The following THEM4 variants were observed in gnomAD, a reference collection of about 807,000 sequenced individuals.
THEM4 encodes acyl-coenzyme A thioesterase THEM4.
In THEM4, 22 loss-of-function variants were observed where a neutral mutation model predicts 25.0. The observed-to-expected ratio is 0.88, with a 90% CI of 0.63 to 1.26. The LOEUF (loss-of-function observed/expected upper bound fraction) is 1.26. Ranked by LOEUF, THEM4 falls within the 50% of genes most tolerant of loss-of-function variation. The pLI is 0.00. For missense variants in THEM4, 286 were observed against 300.3 expected, an observed-to-expected ratio of 0.95 and a Z score of 0.35; for synonymous variants, 113 against 105.6, an observed-to-expected ratio of 1.07 and a Z score of -0.43.
In THEM4 at chr1:151,877,027, T is replaced by C. The variant is rs1653698452; in HGVS notation, c.656A>G (p.Glu219Gly). ...FVSCNVQSVD[E>G]KTLYSEATSL... Reference sequence around the variant, plus strand: ...TGTCGCCTCTGAGTATAGGGTCTTCTCATCAACACTCTGAACATTACAGGA... The same window carrying C: ...TGTCGCCTCTGAGTATAGGGTCTTCCCATCAACACTCTGAACATTACAGGA... The change falls in exon 5 of 6, where the codon GAG (glutamate) becomes GGG (glycine). Residue 219 changes from glutamate to glycine, a missense_variant. Physicochemically the swap from Glu to Gly is moderately conservative, Grantham distance 98 (BLOSUM62 -2). Transcript: ENST00000368814. The C allele has an allele frequency of 6.2e-7, 1 of 1,612,918 alleles. No homozygotes were observed. The highest frequency in any genetic ancestry group is 1.1e-5 in the South Asian group (1 of 90,774).
In THEM4 at chr1:151,890,414, A is replaced by G. The variant is rs770178896; in HGVS notation, c.287-1041T>C. The stretch of plus-strand genomic sequence containing the variant: ...AGAAATAGTGCATTTATCCTTTTGT[A>G]TCTATTTTAAAATTTAATCCCCCTA... On this transcript the variant is annotated intron_variant, in intron 2 of 5. Transcript: ENST00000368814. 5.6e-5 allele frequency: 12 copies of G among 213,560 alleles called. No individual in the cohort carries two copies. In the Middle Eastern group the frequency reaches 5.3e-3, roughly 94 times the overall value. 13.2% of individuals were successfully genotyped at this position (213,560 alleles called of 1,614,324 possible).
At chr1:151,899,951 A>G (rs917657588) in intron 1 of THEM4, among the ~76,000 whole-genome samples, 2 of 152,244 alleles carry the variant, frequency 1.3e-5, no homozygotes, top group Non-Finnish European at 2.9e-5. Flanking sequence ...GCTTAACAGC[A>G]GATTTCTCAG....
chr1:151,876,904 A>G, intron 5 of THEM4, 97 bp downstream of exon 5: 25 of 1,441,850 alleles, frequency 1.7e-5, no homozygotes, highest in Non-Finnish European at 2.2e-5. Context: ...CACCCCCCTG[A>G]CCCCCACAAA....
At chr1:151,894,980 A>G (rs1558192734) in intron 2 of THEM4, 28 bp downstream of exon 2, 3 of 1,607,254 alleles carry the variant, frequency 1.9e-6, no homozygotes, top group East Asian at 4.5e-5. Context: ...ATGCTCAGAT[A>G]TATTAATGGG....
chr1:151,898,463 T>C (rs967944808), intron 1 of THEM4, among the ~76,000 whole-genome samples: 4 of 152,152 alleles, frequency 2.6e-5, no homozygotes, highest in African/African-American at 9.7e-5. Flanking sequence ...AGCTCAGATG[T>C]GCCTAGCCCC....
intron 1 of THEM4, among the ~76,000 whole-genome samples, chr1:151,906,299 G>T (rs1047605609): frequency 6.6e-6 from 1 of 152,244 alleles, no homozygotes; most frequent in African/African-American, 2.4e-5. Context: ...TGCAGAGGGT[G>T]TACTGGGTCC....
At chr1:151,888,441 T>A in intron 3 of THEM4, 58 bp from the exon 4 acceptor site, 2 of 1,323,336 alleles carry the variant, frequency 1.5e-6, no homozygotes, top group East Asian at 2.4e-5. Flanking sequence ...ATAGAGAGCC[T>A]CTTGAAAGAG....
rs779275814 is a variant in THEM4 at position 151,889,253 on chromosome 1, C to T, written c.407G>A (p.Cys136Tyr). 1 of 1,613,508 alleles carries T rather than the reference C, an allele frequency of 6.2e-7. No individual in the cohort carries two copies. Among genetic ancestry groups the T allele is most frequent in the Non-Finnish European group, 8.5e-7 (1 of 1,179,880 alleles). The change falls in exon 3 of 6, where the codon TGC (cysteine) becomes TAC (tyrosine). Residue 136 changes from cysteine to tyrosine, a missense_variant. Physicochemically the swap from Cys to Tyr is radical, Grantham distance 194. Coordinates refer to ENST00000368814, the MANE Select transcript of THEM4 (RefSeq NM_053055.5). ...FYNDIEKRMV[C>Y]LFQGGPYLEG... ...CAGGTAAGGGCCTCCTTGAAATAAG[C>T]AAACCATCCTTTTCTCAATGTCATT...
intron 4 of THEM4, among the ~76,000 whole-genome samples, chr1:151,878,758 G>C (rs1454390862): frequency 1.3e-5 from 2 of 152,096 alleles, no homozygotes; most frequent in South Asian, 4.1e-4. Flanking sequence ...ACAGGAAACT[G>C]GCTTTAGCTT....
chr1:151,909,401 C>G lies in THEM4; in HGVS notation c.58G>C (p.Val20Leu), dbSNP rs769129271. ...TCGCTTCCCGGCAGGCGCCGGCCTA[C>G]TGGCGGCAGGCACAGAGCCCCCAGC... ...RTLGALCLPP[V>L]GRRLPGSEPR... Residue 20 changes from valine to leucine, a missense_variant, in exon 1 of 6, where the codon GTA becomes CTA. Coordinates refer to ENST00000368814, the MANE Select transcript of THEM4 (RefSeq NM_053055.5). The G allele has an allele frequency of 2.0e-5, 30 of 1,505,280 alleles. No individual in the cohort carries two copies. The highest frequency in any genetic ancestry group is 2.4e-5 in the Non-Finnish European group (27 of 1,133,694). The allele number at this position is 1,505,280 out of a possible 1,614,324, so 93.2% of individuals were successfully genotyped here. A position where few individuals can be genotyped will look rare whatever the true frequency, so the allele number is the denominator to read the frequency against.
intron 1 of THEM4, among the ~76,000 whole-genome samples, chr1:151,897,937 G>C (rs899459093): frequency 2.0e-5 from 3 of 152,152 alleles, no homozygotes; most frequent in Non-Finnish European, 4.4e-5. Flanking sequence ...AAAGGCCCTG[G>C]GAGCTCACTG....
intron 3 of THEM4, among the ~76,000 whole-genome samples, 155 bp downstream of exon 3, chr1:151,889,059 T>C (rs1218794261): frequency 6.6e-6 from 1 of 152,158 alleles, no homozygotes; most frequent in East Asian, 1.9e-4. Flanking sequence ...AGATAAGATG[T>C]CCTTTAATAA....
At chr1:151,889,457 A>G (rs1654042940) in intron 2 of THEM4, 84 bp from the exon 3 acceptor site, 2 of 1,367,368 alleles carry the variant, frequency 1.5e-6, no homozygotes, top group East Asian at 4.6e-5. Flanking sequence ...ACCCTGCTAG[A>G]ATCACATGTC....
At chr1:151,883,459 C>A (rs1458428474) in intron 4 of THEM4, among the ~76,000 whole-genome samples, 2 of 152,012 alleles carry the variant, frequency 1.3e-5, no homozygotes, top group East Asian at 3.9e-4. Context: ...AACTCACTAT[C>A]ACTAGAACAG....
chr1:151,875,011 A>C (rs1653643295), intron 5 of THEM4, 83 bp from the exon 6 acceptor site: 5 of 1,101,428 alleles, frequency 4.5e-6, no homozygotes, highest in African/African-American at 3.1e-5. Context: ...AGACATATAC[A>C]AAAGAAGGAT....
intron 1 of THEM4, among the ~76,000 whole-genome samples, chr1:151,905,114 T>C (rs1216819568): frequency 1.3e-5 from 2 of 152,182 alleles, no homozygotes; most frequent in Non-Finnish European, 2.9e-5. Context: ...GTTACACATT[T>C]ATAAAGTGGT....
intron 4 of THEM4, among the ~76,000 whole-genome samples, chr1:151,881,037 T>G (rs1008158195): frequency 6.6e-6 from 1 of 152,158 alleles, no homozygotes; most frequent in African/African-American, 2.4e-5. Flanking sequence ...ATTTTAATCA[T>G]TCTCTCCACT....
At position 151,872,863 on chromosome 1, in the gene THEM4, A is replaced by G. The variant is rs1444343140; in HGVS notation, c.*2025T>C. Among the ~76,000 whole-genome samples the G allele has an allele frequency of 6.6e-6, 1 of 152,132 alleles. No homozygotes were observed. Among genetic ancestry groups the G allele is most frequent in the Non-Finnish European group, 1.5e-5 (1 of 68,030 alleles). ...GTCCAAGGTTTCCCCCCACTGAGAC[A>G]GCCTGAGATATGGCCTCCCGGGAAG... On this transcript the variant is annotated 3_prime_UTR_variant, in exon 6 of 6. Transcript: ENST00000368814.
At chr1:151,891,610 T>G (rs1654094474) in intron 2 of THEM4, among the ~76,000 whole-genome samples, 1 of 152,174 alleles carries the variant, frequency 6.6e-6, no homozygotes, top group Non-Finnish European at 1.5e-5. Context: ...TTTGAACAAG[T>G]AAGCTGCTGA....
Sources: gnomAD v4.1 joint callset for allele counts (sites outside exome capture counted in the v4.1 genomes callset) on GRCh38, gnomAD v4.1.1 for gene constraint, MANE v1.5 for transcripts, NCBI Gene and HGNC (gene_info 2026-07-23, HGNC 2026-07-21) for gene names.